IMPG1: variants seen among roughly 807,000 people sequenced by gnomAD.
IMPG1 encodes the protein interphotoreceptor matrix proteoglycan 1, also known as interphotoreceptor matrix proteoglycan of 150 kDa.
Under a neutral mutation model 92.0 loss-of-function variants are expected in IMPG1, and 85 were observed. The ratio of observed to expected loss-of-function variants is 0.92; its 90% CI spans 0.78 to 1.11. The LOEUF is 1.11. Among genes scored for constraint, IMPG1 ranks in the 50% least tolerant of loss-of-function variants. The pLI is 0.00. For synonymous variants in IMPG1, 367 were observed against 334.1 expected (o/e 1.10, Z -1.08); for missense variants, 1,022 against 956.0 (o/e 1.07, Z -0.91).
At chr6:75,991,978 G>A (rs1440035235) in intron 12 of IMPG1, among the ~76,000 whole-genome samples, 1 of 152,144 alleles carries the variant, frequency 6.6e-6, no homozygotes, top group Non-Finnish European at 1.5e-5. Flanking sequence ...AGATATTATT[G>A]TATATGTTTC....
chr6:76,027,553 G>A (rs1277014690), intron 4 of IMPG1, among the ~76,000 whole-genome samples: 1 of 152,182 alleles, frequency 6.6e-6, no homozygotes, highest in Non-Finnish European at 1.5e-5. Context: ...TTGGCCTAGG[G>A]TTAAAGGATT....
chr6:76,042,725 G>C (rs1480888367), intron 1 of IMPG1, among the ~76,000 whole-genome samples: 1 of 152,044 alleles, frequency 6.6e-6, no homozygotes, highest in Non-Finnish European at 1.5e-5. Flanking sequence ...GTGAGAGGAA[G>C]GATAAAGGGG....
chr6:76,010,273 G>A (rs188703116), intron 8 of IMPG1, among the ~76,000 whole-genome samples: 55 of 152,318 alleles, frequency 3.6e-4, no homozygotes, highest in African/African-American at 1.3e-3. Flanking sequence ...GGGAGCCCAC[G>A]CTCCCTGGTT....
At chr6:75,999,801 T>C (rs913075375) in intron 12 of IMPG1, among the ~76,000 whole-genome samples, 1 of 152,228 alleles carries the variant, frequency 6.6e-6, no homozygotes, top group Non-Finnish European at 1.5e-5. Context: ...ATATGAGATA[T>C]AATTTCTACT....
At chr6:76,058,399 G>T (rs1582135781) in intron 1 of IMPG1, among the ~76,000 whole-genome samples, 1 of 152,134 alleles carries the variant, frequency 6.6e-6, no homozygotes, top group East Asian at 1.9e-4. Context: ...AGCCATCTTA[G>T]GAGTTAGCAC....
chr6:76,060,899 T>G (rs1784194407), intron 1 of IMPG1, among the ~76,000 whole-genome samples: 2 of 152,210 alleles, frequency 1.3e-5, no homozygotes, highest in Non-Finnish European at 2.9e-5. Flanking sequence ...AATTAAAATA[T>G]AAGCCTAGAG....
At chr6:75,982,510 A>G (rs930112673) in intron 12 of IMPG1, among the ~76,000 whole-genome samples, 22 of 151,346 alleles carry the variant, frequency 1.5e-4, no homozygotes, top group African/African-American at 5.1e-4. Context: ...TGGGTGACAG[A>G]GCGAGACTCT....
chr6:76,043,932 T>C (rs1469300638), intron 1 of IMPG1, among the ~76,000 whole-genome samples: 1 of 152,174 alleles, frequency 6.6e-6, no homozygotes, highest in Non-Finnish European at 1.5e-5. Context: ...TGTTGAAAAA[T>C]AGCCTTTCCC....
intron 7 of IMPG1, 39 bp from the exon 8 acceptor site, chr6:76,011,263 C>A: frequency 8.9e-7 from 1 of 1,119,142 alleles, no homozygotes; most frequent in Non-Finnish European, 1.4e-6. Context: ...CTCTTTGGTT[C>A]TGCTGGGTCA....
chr6:76,034,300 A>T lies in IMPG1; in HGVS notation c.497+15T>A. ...TCAAAAGCACACACACACACACTCT[A>T]TTTTGGGTACTTGCCTGTCAGGGAA... On this transcript the variant is annotated intron_variant, in intron 4 of 16. Coordinates refer to ENST00000369950, the MANE Select transcript of IMPG1 (RefSeq NM_001563.4). 6.2e-7 allele frequency: 1 copy of T among 1,610,082 alleles called. No individual in the cohort carries two copies.
intron 4 of IMPG1, 40 bp from the exon 5 acceptor site, chr6:76,025,298 A>G: frequency 8.8e-7 from 1 of 1,139,878 alleles, no homozygotes. Context: ...GTGGTGAAAG[A>G]GAACTTGATG....
chr6:76,007,550 A>G (rs948724113), intron 8 of IMPG1, 50 bp from the exon 9 acceptor site: 1 of 1,319,120 alleles, frequency 7.6e-7, no homozygotes, highest in Admixed American at 2.0e-5. Context: ...AAAAAATTTA[A>G]TGACATTTAT....
At chr6:76,066,514 A>G (rs1011294625) in intron 1 of IMPG1, among the ~76,000 whole-genome samples, 2 of 152,124 alleles carry the variant, frequency 1.3e-5, no homozygotes, top group Admixed American at 1.3e-4. Context: ...AGAAAATATA[A>G]CATTTCTAAC....
At chr6:75,959,212 A>G (rs186759500) in intron 12 of IMPG1, among the ~76,000 whole-genome samples, 49 of 152,172 alleles carry the variant, frequency 3.2e-4, no homozygotes, top group Non-Finnish European at 5.4e-4. Context: ...AGAACAGCAA[A>G]GATTGCTGCC....
At chr6:75,973,327 A>T (rs1019170467) in intron 12 of IMPG1, among the ~76,000 whole-genome samples, 2 of 144,328 alleles carry the variant, frequency 1.4e-5, no homozygotes, top group African/African-American at 5.2e-5. Context: ...CTGTATATCC[A>T]AGAGTAGAAG....
intron 12 of IMPG1, among the ~76,000 whole-genome samples, chr6:75,986,574 G>GTATAGGAGA (rs1428083213): frequency 6.6e-6 from 1 of 152,146 alleles, no homozygotes; most frequent in Non-Finnish European, 1.5e-5. Flanking sequence ...GAAAATGGCC[G>GTATAGGAGA]TATAGGAGAA....
intron 12 of IMPG1, among the ~76,000 whole-genome samples, chr6:75,963,761 C>G (rs1376393006): frequency 2.0e-5 from 3 of 152,160 alleles, no homozygotes; most frequent in Non-Finnish European, 4.4e-5. Flanking sequence ...AAATAACAGC[C>G]CTCATTTCCA....
intron 1 of IMPG1, among the ~76,000 whole-genome samples, chr6:76,046,017 A>G (rs1783934525): frequency 6.6e-6 from 1 of 152,156 alleles, no homozygotes. Context: ...CTACTTGATG[A>G]TGAATTGGCT....
In IMPG1 at chr6:75,974,364, TTTC is replaced by T. The variant is rs1173014694; in HGVS notation, c.1292-23273_1292-23271del. Among the ~76,000 whole-genome samples the T allele has an allele frequency of 5.5e-3, 626 of 113,432 alleles. 2 individuals are homozygous for T. The highest frequency in any genetic ancestry group is 6.6e-3 in the Admixed American group (67 of 10,156). 74.4% of individuals were successfully genotyped at this position (113,432 alleles called of 152,430 possible). ...CTTTCTTTCTTTCTTTCTTTCTTTCTTTCTTTCTTTCTTTCTTTCTTTCTTTCT... is the reference window on the plus strand; with the variant it reads ...CTTTCTTTCTTTCTTTCTTTCTTTCTTTTCTTTCTTTCTTTCTTTCTTTCT... On this transcript the variant is annotated intron_variant, in intron 12 of 16. Coordinates refer to ENST00000369950, the MANE Select transcript of IMPG1 (RefSeq NM_001563.4).
Sources: allele counts gnomAD v4.1 joint callset (sites outside exome capture counted in the v4.1 genomes callset), GRCh38; gene constraint gnomAD v4.1.1; transcripts MANE v1.5; gene names NCBI Gene and HGNC (gene_info 2026-07-23, HGNC 2026-07-21).